The following AGAP1 variants were observed in gnomAD, a reference collection of about 807,000 sequenced individuals.
The protein encoded by AGAP1 is arf-GAP with GTPase, ANK repeat and PH domain-containing protein 1.
A neutral mutation model predicts 105.3 loss-of-function variants in AGAP1; 29 were observed. The observed-to-expected ratio is 0.28, with a 90% CI of 0.21 to 0.38. The LOEUF is 0.38. AGAP1 is among the 10% of genes least tolerant of loss of function. The pLI is 1.00. For synonymous variants in AGAP1, 509 were observed against 485.9 expected, an observed-to-expected ratio of 1.05 and a Z score of -0.63; for missense variants, 998 against 1,165.1, an observed-to-expected ratio of 0.86 and a Z score of 2.09.
rs2058705017 is a variant in AGAP1, at chr2:236,078,628, C to T, written c.2114+29347C>T. On this transcript the variant is annotated intron_variant, in intron 16 of 17. Coordinates refer to ENST00000304032, the MANE Select transcript of AGAP1 (RefSeq NM_001037131.3). The surrounding 1 kb of genome is among the most constrained non-coding windows in gnomAD (Gnocchi z 5.3). ...CTAGATAAGTATTACCACTGAACCA[C>T]CTGCTGAGCAGCGTGCTAGCATTTC... Among the ~76,000 whole-genome samples the T allele has an allele frequency of 1.3e-5, 2 of 152,206 alleles. No homozygotes were observed.
intron 2 of AGAP1, among the ~76,000 whole-genome samples, chr2:235,715,373 C>G (rs1028797858): frequency 6.7e-6 from 1 of 149,814 alleles, no homozygotes. Context: ...GGAGGTGGAG[C>G]CCAGGGCCTC....
intron 9 of AGAP1, among the ~76,000 whole-genome samples, chr2:235,841,022 G>T (rs1329496596): frequency 6.6e-6 from 1 of 151,984 alleles, no homozygotes; most frequent in Non-Finnish European, 1.5e-5. Context: ...TTTGAAAGAG[G>T]GAGATAAAGT....
At chr2:235,923,676 G>A (rs754467715) in intron 11 of AGAP1, among the ~76,000 whole-genome samples, 2 of 152,208 alleles carry the variant, frequency 1.3e-5, no homozygotes, top group Non-Finnish European at 2.9e-5. Context: ...GCCCGTGTCA[G>A]TAGTTCCTTG....
chr2:235,890,942 C>CA lies in AGAP1; in HGVS notation c.1155+7504dup, dbSNP rs199864293. 6.8e-4 allele frequency among the ~76,000 whole-genome samples: 80 copies of CA among 117,648 alleles called. 1 individual carries two copies. The highest frequency in any genetic ancestry group is 8.8e-4 in the Non-Finnish European group (51 of 57,902). The allele number at this position is 117,648 out of a possible 152,430, so 77.2% of individuals were successfully genotyped here. A position where few individuals can be genotyped will look rare whatever the true frequency, so the allele number is the denominator to read the frequency against. The stretch of plus-strand genomic sequence containing the variant: ...TGGGTGTAAGACTAAAACTGAGGCT[C>CA]AAAAAAAAAAACACCTCAGTTAATT... On this transcript the variant is annotated intron_variant, in intron 10 of 17. Coordinates refer to ENST00000304032, the MANE Select transcript of AGAP1 (RefSeq NM_001037131.3).
intron 1 of AGAP1, among the ~76,000 whole-genome samples, chr2:235,506,508 G>T (rs1224787210): frequency 6.6e-6 from 1 of 150,846 alleles, no homozygotes; most frequent in Non-Finnish European, 1.5e-5. Context: ...GCCAGAGTGA[G>T]ATCTTGTCTC....
At chr2:235,871,213 G>A (rs1042071013) in intron 9 of AGAP1, among the ~76,000 whole-genome samples, 6 of 152,162 alleles carry the variant, frequency 3.9e-5, no homozygotes, top group African/African-American at 1.2e-4. Context: ...GAGAAGCTGG[G>A]AATGAGAAAC....
In AGAP1 at chr2:235,887,254, A is replaced by C. The variant is rs2050314044; in HGVS notation, c.1155+3805A>C. On this transcript the variant is annotated intron_variant, in intron 10 of 17. Coordinates refer to ENST00000304032, the MANE Select transcript of AGAP1 (RefSeq NM_001037131.3). This position sits in a 1 kb window ranked among gnomAD's most constrained non-coding sequence, Gnocchi z 4.1. ...CATGCAGTGGTGGCATAAGTGGTCAAGTGTTGGGAAAGCTGCCAGGATTGC... is the reference window on the plus strand; with the variant it reads ...CATGCAGTGGTGGCATAAGTGGTCACGTGTTGGGAAAGCTGCCAGGATTGC... Among the ~76,000 whole-genome samples the C allele has an allele frequency of 6.6e-6, 1 of 152,124 alleles. No individual in the cohort carries two copies. The highest frequency in any genetic ancestry group is 2.4e-5 in the African/African-American group (1 of 41,402).
rs770345950 is a variant in AGAP1, at chr2:235,611,633, G to A, written c.164-97546G>A. On this transcript the variant is annotated intron_variant, in intron 1 of 17. Transcript: ENST00000304032. The surrounding 1 kb of genome is among the most constrained non-coding windows in gnomAD (Gnocchi z 5.0). ...GTTCTCTGAACAGGGAGCCCAGGGA[G>A]GCTTGGATCTTTAGATTGATAAGCA... is the stretch of plus-strand genomic sequence containing the variant. Among the ~76,000 whole-genome samples, 4 of 152,166 alleles carry A rather than the reference G, an allele frequency of 2.6e-5. No individual in the cohort carries two copies. Among genetic ancestry groups the A allele is most frequent in the Non-Finnish European group, 5.9e-5 (4 of 68,038 alleles).
In AGAP1 at chr2:235,904,755, G is replaced by A. The variant is rs1275686544; in HGVS notation, c.1156-3983G>A. 6.6e-6 allele frequency among the ~76,000 whole-genome samples: 1 copy of A among 152,208 alleles called. No individual in the cohort carries two copies. The highest frequency in any genetic ancestry group is 1.5e-5 in the Non-Finnish European group (1 of 68,048). On this transcript the variant is annotated intron_variant, in intron 10 of 17. Transcript: ENST00000304032. This position sits in a 1 kb window ranked among gnomAD's most constrained non-coding sequence, Gnocchi z 4.2. ...TTCCTCAAGTACCAAGCTGGGGAGA[G>A]ATGAAAAGGATCAGTTCTTTCAAAA... is the stretch of plus-strand genomic sequence containing the variant.
chr2:235,796,590 C>A (rs1265922884), intron 6 of AGAP1, among the ~76,000 whole-genome samples: 1 of 152,156 alleles, frequency 6.6e-6, no homozygotes, highest in African/African-American at 2.4e-5. Flanking sequence ...TTCACTTAAT[C>A]ATATTTATAC....
intron 1 of AGAP1, among the ~76,000 whole-genome samples, chr2:235,554,002 C>T (rs961275990): frequency 1.3e-5 from 2 of 152,204 alleles, no homozygotes; most frequent in African/African-American, 4.8e-5. Context: ...CTGTGTGACT[C>T]ACCTCTGGCC....
chr2:235,762,173 G>A (rs1954502108), intron 6 of AGAP1, among the ~76,000 whole-genome samples: 1 of 151,142 alleles, frequency 6.6e-6, no homozygotes, highest in African/African-American at 2.4e-5. Context: ...TTTTTTCTAA[G>A]TAAACTTCAC....
chr2:236,048,219 C>T (rs1352361332), intron 15 of AGAP1, among the ~76,000 whole-genome samples: 2 of 152,340 alleles, frequency 1.3e-5, no homozygotes, highest in South Asian at 2.1e-4. Flanking sequence ...TAGATTCTAG[C>T]GTGAAGTCAA....
At chr2:235,502,595 T>C (rs1941609224) in intron 1 of AGAP1, among the ~76,000 whole-genome samples, 1 of 152,140 alleles carries the variant, frequency 6.6e-6, no homozygotes. Context: ...GGCTGCAGTG[T>C]TGGAGTATTT....
intron 16 of AGAP1, among the ~76,000 whole-genome samples, chr2:236,066,330 A>T (rs1408129532): frequency 1.3e-5 from 2 of 152,100 alleles, no homozygotes; most frequent in African/African-American, 4.8e-5. Context: ...GACTCAAGTG[A>T]TTCTCCTGCC....
At chr2:235,937,156 C>T (rs1426355602) in intron 12 of AGAP1, among the ~76,000 whole-genome samples, 2 of 152,194 alleles carry the variant, frequency 1.3e-5, no homozygotes, top group East Asian at 3.9e-4. Flanking sequence ...TTCAGCTTAG[C>T]TCAGTGTTAA....
At chr2:235,939,163 G>GT (rs1040167500) in intron 12 of AGAP1, among the ~76,000 whole-genome samples, 1 of 152,272 alleles carries the variant, frequency 6.6e-6, no homozygotes. Context: ...GTATGATGCA[G>GT]TGAGACAGGT....
Position 235,589,194 on chromosome 2 carries a change from G to GTTTT in AGAP1, c.163+94370_163+94373dup, listed in dbSNP as rs928149334. ...CTACCAGTTAATAGCTTATTGTTTTGTTTTTTTTTTTTTTTTTTTTTTTTT... is the reference window on the plus strand; with the variant it reads ...CTACCAGTTAATAGCTTATTGTTTTGTTTTTTTTTTTTTTTTTTTTTTTTTTTTT... On this transcript the variant is annotated intron_variant, in intron 1 of 17. Coordinates refer to ENST00000304032, the MANE Select transcript of AGAP1 (RefSeq NM_001037131.3). Among the ~76,000 whole-genome samples the GTTTT allele has an allele frequency of 3.5e-3, 211 of 59,596 alleles. 5 individuals are homozygous for GTTTT. The highest frequency in any genetic ancestry group is 5.4e-3 in the East Asian group (8 of 1,468). 39.1% of individuals were successfully genotyped at this position (59,596 alleles called of 152,430 possible).
chr2:235,543,213 A>G (rs1943511184), intron 1 of AGAP1, among the ~76,000 whole-genome samples: 1 of 149,606 alleles, frequency 6.7e-6, no homozygotes, highest in Admixed American at 6.8e-5. Context: ...TAGTCATATC[A>G]TCACAGTCAT....
Sources: allele counts gnomAD v4.1 joint callset (sites outside exome capture counted in the v4.1 genomes callset), GRCh38; gene constraint gnomAD v4.1.1; non-coding constraint Gnocchi (gnomAD v3.1); transcripts MANE v1.5; gene names NCBI Gene and HGNC (gene_info 2026-07-23, HGNC 2026-07-21).